Variants in NBAS observed in about 807,000 individuals in gnomAD.
NBAS encodes the protein NAG/BC035112 fusion.
In NBAS, 219 loss-of-function variants were observed where a neutral mutation model predicts 302.5. That is an observed-to-expected ratio of 0.72 (90% CI 0.65 to 0.81). NBAS has a LOEUF of 0.81. Among genes scored for constraint, NBAS ranks in the 30% least tolerant of loss-of-function variants. The pLI is 0.00. For synonymous variants in NBAS, 1,118 were observed against 1,021.6 expected, an observed-to-expected ratio of 1.09 and a Z score of -1.80; for missense variants, 2,932 against 2,841.6, an observed-to-expected ratio of 1.03 and a Z score of -0.72.
chr2:15,277,118 A>C lies in NBAS; in HGVS notation c.5139-17T>G, dbSNP rs1394588637. On this transcript the variant is annotated splice_polypyrimidine_tract_variant and intron_variant, in intron 42 of 51. Coordinates refer to ENST00000281513, the MANE Select transcript of NBAS (RefSeq NM_015909.4). ...GTGGACAAACTGAAATTAAGAGCCAAAGGAACTGTGTTAAGATTTTGTTCC... is the reference window on the plus strand; with the variant it reads ...GTGGACAAACTGAAATTAAGAGCCACAGGAACTGTGTTAAGATTTTGTTCC... 1 of 1,612,564 alleles carries C rather than the reference A, an allele frequency of 6.2e-7. No homozygotes were observed. Among genetic ancestry groups the C allele is most frequent in the East Asian group, 2.2e-5 (1 of 44,798 alleles).
chr2:15,247,015 G>GT (rs1180158163), intron 44 of NBAS, among the ~76,000 whole-genome samples: 3 of 152,206 alleles, frequency 2.0e-5, no homozygotes, highest in African/African-American at 7.2e-5. Context: ...TTGCTGAAAG[G>GT]TGACATCTCC....
intron 31 of NBAS, among the ~76,000 whole-genome samples, chr2:15,371,601 C>A (rs969940217): frequency 6.6e-6 from 1 of 152,208 alleles, no homozygotes; most frequent in African/African-American, 2.4e-5. Context: ...GGTTACACAG[C>A]TCAAAGTGGC....
rs1205645084 is a variant in NBAS at position 15,383,297 on chromosome 2, GACTC to G, written c.3274_3277del (p.Glu1092LeufsTer11). 4 of 1,613,924 alleles carry G rather than the reference GACTC, an allele frequency of 2.5e-6. No homozygotes were observed. In the Admixed American group the frequency reaches 6.7e-5, roughly 27 times the overall value. ...GTCTTGCAGCAACGTTCTCCAATGA[GACTC>G]ACTGACAGGAGGCTGCCTGGAAAAA... On this transcript the variant is annotated frameshift_variant, in exon 29 of 52. Transcript: ENST00000281513. LOFTEE classifies it high-confidence loss of function.
intron 31 of NBAS, 31 bp from the exon 32 acceptor site, chr2:15,366,724 A>C (rs375048991): frequency 9.5e-5 from 152 of 1,598,694 alleles, no homozygotes; most frequent in Admixed American, 2.5e-4. Flanking sequence ...AAAGACTTGG[A>C]CCAGGGACAT....
intron 25 of NBAS, 129 bp from the exon 26 acceptor site, chr2:15,402,430 T>G (rs1267203820): frequency 4.4e-6 from 4 of 905,318 alleles, no homozygotes; most frequent in Non-Finnish European, 5.2e-6. Flanking sequence ...GTCTTGATTT[T>G]TCTTTATAGA....
the NBAS span, among the ~76,000 whole-genome samples, chr2:14,906,464 A>G: frequency 2.0e-5 from 3 of 152,208 alleles, no homozygotes; most frequent in African/African-American, 7.2e-5. Context: ...TACTGAAGGC[A>G]CGGAAAGGCT....
At chr2:15,330,532 G>A in intron 36 of NBAS, 66 bp downstream of exon 36, 1 of 1,595,524 alleles carries the variant, frequency 6.3e-7, no homozygotes, top group Non-Finnish European at 8.6e-7. Context: ...GAAAACAACT[G>A]AAACATTGCT....
the NBAS span, among the ~76,000 whole-genome samples, chr2:14,920,502 A>G: frequency 6.6e-6 from 1 of 152,206 alleles, no homozygotes; most frequent in East Asian, 1.9e-4. Context: ...GAAACCAGGC[A>G]TTGACTTCTC....
chr2:15,105,637 C>T, the NBAS span, among the ~76,000 whole-genome samples: 3 of 152,112 alleles, frequency 2.0e-5, no homozygotes, highest in Admixed American at 6.6e-5. Context: ...TGCCTGAGAA[C>T]AAAAATGCGT....
At chr2:15,283,601 T>A (rs903185267) in intron 42 of NBAS, among the ~76,000 whole-genome samples, 3 of 152,158 alleles carry the variant, frequency 2.0e-5, no homozygotes, top group African/African-American at 7.2e-5. Flanking sequence ...TGGAACTGAG[T>A]CAATTAAACC....
the NBAS span, among the ~76,000 whole-genome samples, chr2:14,891,265 G>A: frequency 1.3e-5 from 2 of 152,106 alleles, no homozygotes; most frequent in East Asian, 1.9e-4. Context: ...TTCCCACTAA[G>A]TTGATATGAC....
In NBAS at chr2:15,328,204, C is replaced by T. The variant is rs377245848; in HGVS notation, c.4456G>A (p.Ala1486Thr). ...CCTAGACACGCTGTCCTTACCTCAG[C>T]GACAAAAGGATTTGAGATGACAGAT... is the stretch of plus-strand genomic sequence containing the variant. Reference protein sequence around the residue: ...YESVISNPFVAESEGTYDTYQ... With the variant: ...YESVISNPFVTESEGTYDTYQ... The change falls in exon 37 of 52, where the codon GCT (alanine) becomes ACT (threonine). Residue 1486 changes from alanine (A) to threonine (T), a missense_variant. By Grantham distance (58) the Ala-to-Thr change is moderately conservative. Transcript: ENST00000281513. The T allele has an allele frequency of 1.2e-5, 19 of 1,612,866 alleles. No individual in the cohort carries two copies. The African/African-American group carries it at 1.6e-4, about 14-fold the overall frequency.
the NBAS span, among the ~76,000 whole-genome samples, chr2:14,944,259 G>T: frequency 1.3e-5 from 2 of 152,126 alleles, no homozygotes; most frequent in Admixed American, 1.3e-4. Context: ...GAGATCGATC[G>T]CACCACTGCC....
In NBAS at chr2:15,316,676, G is replaced by A. The variant is rs546890661; in HGVS notation, c.4583-7429C>T. On this transcript the variant is annotated intron_variant, in intron 38 of 51. Transcript: ENST00000281513. ...AGGCAGCAGCCTGGCTGGGGGAGGG[G>A]TGTCGGCCATTGCTGAGGCTTGAGT... Among the ~76,000 whole-genome samples, 56 of 152,334 alleles carry A rather than the reference G, an allele frequency of 3.7e-4. 2 individuals are homozygous for A. The highest frequency in any genetic ancestry group is 2.9e-3 in the Admixed American group (44 of 15,306).
At chr2:14,830,876 A>G in the NBAS span, among the ~76,000 whole-genome samples, 3 of 152,304 alleles carry the variant, frequency 2.0e-5, no homozygotes, top group Non-Finnish European at 2.9e-5. Context: ...TGATTTACAC[A>G]GTTTGCCCAT....
At chr2:15,157,179 A>C in the NBAS span, among the ~76,000 whole-genome samples, 1 of 152,098 alleles carries the variant, frequency 6.6e-6, no homozygotes, top group Non-Finnish European at 1.5e-5. Context: ...CAGCTGTCTG[A>C]TGGCGAGGTT....
At chr2:14,944,440 C>T in the NBAS span, among the ~76,000 whole-genome samples, 1 of 152,238 alleles carries the variant, frequency 6.6e-6, no homozygotes, top group Non-Finnish European at 1.5e-5. Flanking sequence ...TCTTCTCCAA[C>T]ACGTCCTTGA....
chr2:15,327,895 A>G (rs755882774), intron 37 of NBAS, 25 bp from the exon 38 acceptor site: 12 of 1,613,044 alleles, frequency 7.4e-6, no homozygotes, highest in Non-Finnish European at 9.3e-6. Context: ...CAGTTTCACT[A>G]TCTAGTAGGG....
chr2:15,073,476 C>CA, the NBAS span, among the ~76,000 whole-genome samples: 645 of 65,590 alleles, frequency 9.8e-3, 4 homozygotes, highest in Middle Eastern at 0.017. Flanking sequence ...AACTCCTTCT[C>CA]AAAAAAAAAA....
Sources: allele counts gnomAD v4.1 joint callset (sites outside exome capture counted in the v4.1 genomes callset), GRCh38; gene constraint gnomAD v4.1.1; transcripts MANE v1.5; gene names NCBI Gene and HGNC (gene_info 2026-07-23, HGNC 2026-07-21).